GULP1: variants seen among roughly 807,000 people sequenced by gnomAD.
GULP1 encodes the protein GULP PTB domain containing engulfment adaptor 1.
In GULP1, 19 loss-of-function variants were observed where a neutral mutation model predicts 40.9. That is an observed-to-expected ratio of 0.46 (90% CI 0.32 to 0.68). GULP1 has a LOEUF of 0.68. Ranked by LOEUF, GULP1 falls within the 30% of genes least tolerant of loss-of-function variation. The pLI is 0.03. For missense variants in GULP1, 312 were observed against 362.2 expected, an observed-to-expected ratio of 0.86 and a Z score of 1.12; for synonymous variants, 119 against 117.6, an observed-to-expected ratio of 1.01 and a Z score of -0.08.
rs911136209 is a variant in GULP1, at chr2:188,594,505, A to G, written c.*494A>G. 6.6e-6 allele frequency: 1 copy of G among 151,934 alleles called. No individual in the cohort carries two copies. Among genetic ancestry groups the G allele is most frequent in the Admixed American group, 6.6e-5 (1 of 15,220 alleles). The allele number at this position is 151,934 out of a possible 1,614,324, so 9.4% of individuals were successfully genotyped here. On this transcript the variant is annotated 3_prime_UTR_variant, in exon 12 of 12. Transcript: ENST00000409830. ...CATTTTATGTATAAATACTGTTCAC[A>G]TCACTGGGAAAATGTAAACTTTAAA...
intron 4 of GULP1, among the ~76,000 whole-genome samples, chr2:188,512,999 T>C (rs1210839791): frequency 1.3e-5 from 2 of 152,158 alleles, no homozygotes; most frequent in Admixed American, 6.5e-5. Flanking sequence ...ATAGATTTAA[T>C]TTCAGCAGAC....
intron 1 of GULP1, among the ~76,000 whole-genome samples, chr2:188,321,890 C>T (rs1574399529): frequency 6.6e-6 from 1 of 152,052 alleles, no homozygotes; most frequent in East Asian, 1.9e-4. Context: ...TGGCAGATGC[C>T]TGTAATCCCA....
At chr2:188,420,518 T>C (rs1394672159) in intron 2 of GULP1, among the ~76,000 whole-genome samples, 1 of 152,190 alleles carries the variant, frequency 6.6e-6, no homozygotes, top group East Asian at 1.9e-4. Context: ...TTACAGCTCT[T>C]TCACTCCGAC....
intron 6 of GULP1, among the ~76,000 whole-genome samples, chr2:188,532,881 A>G (rs918114074): frequency 6.6e-6 from 1 of 152,088 alleles, no homozygotes; most frequent in African/African-American, 2.4e-5. Context: ...AGATCGCGCC[A>G]CTGCACTCCA....
chr2:188,556,256 C>G (rs144411185), intron 7 of GULP1, among the ~76,000 whole-genome samples: 1 of 151,736 alleles, frequency 6.6e-6, no homozygotes, highest in Non-Finnish European at 1.5e-5. Flanking sequence ...TATATTTGTC[C>G]GACTGAATTA....
chr2:188,592,565 A>G (rs1209171346), intron 11 of GULP1: 1 of 152,044 alleles, frequency 6.6e-6, no homozygotes, highest in African/African-American at 2.4e-5. Flanking sequence ...AAGTACTGGA[A>G]AGACATTTTG....
At chr2:188,400,590 G>A (rs936068613) in intron 2 of GULP1, among the ~76,000 whole-genome samples, 5 of 152,176 alleles carry the variant, frequency 3.3e-5, no homozygotes, top group African/African-American at 1.2e-4. Context: ...AATTAAGCAG[G>A]TGGATGACCT....
chr2:188,525,258 G>T (rs1685864880), intron 5 of GULP1, among the ~76,000 whole-genome samples: 1 of 151,854 alleles, frequency 6.6e-6, no homozygotes, highest in South Asian at 2.1e-4. Flanking sequence ...GGGCTTGGTG[G>T]CACACACCTG....
intron 4 of GULP1, among the ~76,000 whole-genome samples, chr2:188,503,425 A>C (rs2063614976): frequency 6.6e-6 from 1 of 151,732 alleles, no homozygotes; most frequent in Non-Finnish European, 1.5e-5. Flanking sequence ...GGAGAGAGAG[A>C]GAGCAAGGGG....
intron 7 of GULP1, among the ~76,000 whole-genome samples, chr2:188,544,111 C>G (rs1363802924): frequency 6.6e-6 from 1 of 152,040 alleles, no homozygotes; most frequent in South Asian, 2.1e-4. Context: ...TCCACCCTCA[C>G]TCTCCTACTG....
At chr2:188,506,612 G>T (rs2063944285) in intron 4 of GULP1, among the ~76,000 whole-genome samples, 1 of 151,916 alleles carries the variant, frequency 6.6e-6, no homozygotes, top group Non-Finnish European at 1.5e-5. Flanking sequence ...AGAGCAACAA[G>T]CTTGGGATAC....
In GULP1 at chr2:188,453,559, A is replaced by G. The variant is rs186226806; in HGVS notation, c.-44-24100A>G. The stretch of plus-strand genomic sequence containing the variant: ...AACAGCATAAACATTTATCACAAAT[A>G]TCGGAGTACATGGGGACTCTGAGTT... On this transcript the variant is annotated intron_variant, in intron 2 of 11. Transcript: ENST00000409830. Among the ~76,000 whole-genome samples, 1,092 of 152,312 alleles carry G rather than the reference A, an allele frequency of 7.2e-3. 26 individuals carry two copies. The highest frequency in any genetic ancestry group is 8.4e-3 in the Non-Finnish European group (570 of 68,022).
At chr2:188,422,329 T>C (rs2055553162) in intron 2 of GULP1, among the ~76,000 whole-genome samples, 1 of 151,574 alleles carries the variant, frequency 6.6e-6, no homozygotes, top group Non-Finnish European at 1.5e-5. Context: ...TATTGATTGG[T>C]TAATTTCTAA....
intron 9 of GULP1, among the ~76,000 whole-genome samples, chr2:188,571,601 C>T (rs13396968): frequency 0.13 from 20,267 of 152,040 alleles, 3,370 homozygotes; most frequent in African/African-American, 0.39. Context: ...TTGTCACTGT[C>T]TGCTGCTCAC....
At chr2:188,523,929 A>G (rs1685475543) in intron 5 of GULP1, among the ~76,000 whole-genome samples, 3 of 152,220 alleles carry the variant, frequency 2.0e-5, no homozygotes, top group Middle Eastern at 3.2e-3. Context: ...TTGGGAAAAA[A>G]GTGGATTAGC....
intron 1 of GULP1, among the ~76,000 whole-genome samples, chr2:188,296,668 G>T (rs1574183358): frequency 6.6e-6 from 1 of 151,974 alleles, no homozygotes. Flanking sequence ...AGTATATTTT[G>T]TGCTAAATTG....
intron 1 of GULP1, among the ~76,000 whole-genome samples, chr2:188,368,953 A>ATG (rs1264806155): frequency 1.7e-5 from 2 of 117,216 alleles, no homozygotes; most frequent in Admixed American, 1.6e-4. Flanking sequence ...ATATATATAT[A>ATG]TATATATATA....
chr2:188,417,017 A>G (rs941631673), intron 2 of GULP1, among the ~76,000 whole-genome samples: 3 of 152,206 alleles, frequency 2.0e-5, no homozygotes, highest in African/African-American at 7.2e-5. Flanking sequence ...GAAGTTTTTC[A>G]AAATACCTGA....
chr2:188,421,904 C>A (rs1414810071), intron 2 of GULP1, among the ~76,000 whole-genome samples: 8 of 152,100 alleles, frequency 5.3e-5, no homozygotes, highest in Non-Finnish European at 1.2e-4. Flanking sequence ...GTGAAAACAC[C>A]TTAACCAGTG....
Sources: allele counts gnomAD v4.1 joint callset (sites outside exome capture counted in the v4.1 genomes callset), GRCh38; gene constraint gnomAD v4.1.1; transcripts MANE v1.5; gene names NCBI Gene and HGNC (gene_info 2026-07-23, HGNC 2026-07-21).